EHMT1: variants seen among roughly 807,000 people sequenced by gnomAD.
The protein encoded by EHMT1 is histone-lysine N-methyltransferase EHMT1.
Under a neutral mutation model 147.2 loss-of-function variants are expected in EHMT1, and 15 were observed. That is an observed-to-expected ratio of 0.10 (90% CI 0.07 to 0.16). The LOEUF (loss-of-function observed/expected upper bound fraction) is 0.16. Among genes scored for constraint, EHMT1 ranks in the 10% least tolerant of loss-of-function variants. The pLI is 1.00. For synonymous variants in EHMT1, 795 were observed against 709.6 expected, an observed-to-expected ratio of 1.12 and a Z score of -1.91; for missense variants, 1,587 against 1,772.4, an observed-to-expected ratio of 0.90 and a Z score of 1.88.
chr9:137,820,602 T>C (rs767819413), intron 25 of EHMT1, among the ~76,000 whole-genome samples: 7 of 152,248 alleles, frequency 4.6e-5, no homozygotes, highest in Non-Finnish European at 8.8e-5. Context: ...CGGTCATGTT[T>C]GCTTTCACGT....
rs1452498357 is a variant in EHMT1, at chr9:137,743,399, A to G, written c.852A>G (p.Ala284=). ...TACLPFVLAA[A]VSRKKKRRMG... ...GCTTGCCTTTTGTTTTAGCAGCTGC[A>G]GTATCTCGGAAGAAAAAACGAAGAA... is the stretch of plus-strand genomic sequence containing the variant. The change falls in exon 5 of 27, where the codon GCA becomes GCG. Residue 284 remains alanine, a synonymous_variant. Coordinates refer to ENST00000460843, the MANE Select transcript of EHMT1 (RefSeq NM_024757.5). 1.2e-6 allele frequency: 2 copies of G among 1,607,910 alleles called. No homozygotes were observed. Among genetic ancestry groups the G allele is most frequent in the East Asian group, 2.2e-5 (1 of 44,810 alleles).
chr9:137,833,011 G>A (rs1410501020), intron 25 of EHMT1: 2 of 152,308 alleles, frequency 1.3e-5, no homozygotes, highest in African/African-American at 2.4e-5. Context: ...TTTGGCTTTG[G>A]GGGCTGTGGC....
chr9:137,752,398 A>C lies in EHMT1; in HGVS notation c.1238A>C (p.Glu413Ala). ...GGGGAGGAGGAGGAAGGCGGTGACG[A>C]GTCTGACCTGGTAATGCCCAGCGCC... Reference protein sequence around the residue: ...DTGEEEEGGDESDLSSESSIK... With the variant: ...DTGEEEEGGDASDLSSESSIK... Residue 413 changes from glutamate (E) to alanine (A), a missense_variant, in exon 7 of 27, where the codon GAG (glutamate) becomes GCG (alanine). Coordinates refer to ENST00000460843, the MANE Select transcript of EHMT1 (RefSeq NM_024757.5). The C allele has an allele frequency of 6.2e-7, 1 of 1,613,938 alleles. No individual in the cohort carries two copies. Among genetic ancestry groups the C allele is most frequent in the Non-Finnish European group, 8.5e-7 (1 of 1,179,954 alleles).
chr9:137,772,368 CTA>C (rs1430425596), intron 10 of EHMT1, among the ~76,000 whole-genome samples: 2 of 137,802 alleles, frequency 1.5e-5, no homozygotes, highest in Non-Finnish European at 3.2e-5. Context: ...AAAACAGACA[CTA>C]AAAAAATAGG....
At chr9:137,831,019 T>G (rs1956151429) in intron 25 of EHMT1, among the ~76,000 whole-genome samples, 1 of 151,986 alleles carries the variant, frequency 6.6e-6, no homozygotes, top group Non-Finnish European at 1.5e-5. Flanking sequence ...CTGGGGAGGG[T>G]TTCCTGGTTC....
intron 1 of EHMT1, among the ~76,000 whole-genome samples, chr9:137,701,741 C>T (rs1309155201): frequency 1.3e-5 from 2 of 150,584 alleles, no homozygotes; most frequent in African/African-American, 4.9e-5. Context: ...AATTCTCCTG[C>T]CTCAGCCTCC....
intron 1 of EHMT1, among the ~76,000 whole-genome samples, chr9:137,649,350 CTG>C (rs1845138066): frequency 6.6e-6 from 1 of 152,106 alleles, no homozygotes; most frequent in African/African-American, 2.4e-5. Flanking sequence ...ATCCCAGATA[CTG>C]CGGAGGCCGA....
intron 1 of EHMT1, among the ~76,000 whole-genome samples, chr9:137,709,347 T>G (rs914100732): frequency 3.9e-5 from 6 of 152,180 alleles, no homozygotes; most frequent in African/African-American, 9.7e-5. Context: ...GCTGGGCTGC[T>G]GGCCCTGGCT....
chr9:137,781,352 G>A (rs1951520598), intron 14 of EHMT1, among the ~76,000 whole-genome samples: 1 of 150,106 alleles, frequency 6.7e-6, no homozygotes, highest in African/African-American at 2.5e-5. Flanking sequence ...TGGTGATGAC[G>A]CTGAGACGTG....
chr9:137,802,688 CAG>C, intron 18 of EHMT1: 1 of 591,036 alleles, frequency 1.7e-6, no homozygotes, highest in Non-Finnish European at 2.5e-6. Context: ...CACCTAGAAA[CAG>C]GGACCACTGG....
At chr9:137,669,860 A>AT (rs930528167) in intron 1 of EHMT1, among the ~76,000 whole-genome samples, 1 of 151,816 alleles carries the variant, frequency 6.6e-6, no homozygotes. Context: ...GGCCAAAAAG[A>AT]TTTTTTTGGA....
chr9:137,834,011 C>T, intron 25 of EHMT1: 1 of 377,078 alleles, frequency 2.7e-6, no homozygotes, highest in Middle Eastern at 8.1e-4. Context: ...TGGTGCCAGA[C>T]AGCCCCATGG....
intron 6 of EHMT1, among the ~76,000 whole-genome samples, chr9:137,745,226 T>C (rs1948445122): frequency 6.6e-6 from 1 of 152,254 alleles, no homozygotes; most frequent in Non-Finnish European, 1.5e-5. Context: ...GGCGTATCCC[T>C]GAATGTATAC....
In EHMT1 at chr9:137,775,357, G is replaced by A; in HGVS notation, c.1791+105G>A. ...CCACCTGCTGTCGGGTGGTCCAGCAGCTGGCCCAGGTCTGGTGTCCGTCTG... is the reference window on the plus strand; with the variant it reads ...CCACCTGCTGTCGGGTGGTCCAGCAACTGGCCCAGGTCTGGTGTCCGTCTG... On this transcript the variant is annotated intron_variant, in intron 11 of 26. Transcript: ENST00000460843. The surrounding 1 kb of genome is among the most constrained non-coding windows in gnomAD (Gnocchi z 6.1). 1.3e-6 allele frequency: 2 copies of A among 1,511,910 alleles called. No individual in the cohort carries two copies. Among genetic ancestry groups the A allele is most frequent in the Non-Finnish European group, 1.8e-6 (2 of 1,122,826 alleles). The allele number at this position is 1,511,910 out of a possible 1,614,324, so 93.7% of individuals were successfully genotyped here. A position where few individuals can be genotyped will look rare whatever the true frequency, so the allele number is the denominator to read the frequency against.
chr9:137,767,771 C>G (rs1950308487), intron 10 of EHMT1, among the ~76,000 whole-genome samples: 2 of 152,082 alleles, frequency 1.3e-5, no homozygotes, highest in Non-Finnish European at 2.9e-5. Flanking sequence ...CAAGATCTCA[C>G]TACTGCACTC....
At position 137,781,156 on chromosome 9, in the gene EHMT1, C is replaced by T. The variant is rs373241385; in HGVS notation, c.2276-1135C>T. Among the ~76,000 whole-genome samples, 8 of 65,498 alleles carry T rather than the reference C, an allele frequency of 1.2e-4. 1 individual carries two copies. Among genetic ancestry groups the T allele is most frequent in the African/African-American group, 1.9e-4 (1 of 5,276 alleles). The allele number at this position is 65,498 out of a possible 152,430, so 43.0% of individuals were successfully genotyped here. ...GCATCACTGAGACGTGTGGTGATGACGCTGAGACGTGTGGTGATGACGCTG... is the reference window on the plus strand; with the variant it reads ...GCATCACTGAGACGTGTGGTGATGATGCTGAGACGTGTGGTGATGACGCTG... On this transcript the variant is annotated intron_variant, in intron 14 of 26. Transcript: ENST00000460843.
At chr9:137,826,369 G>C (rs1281289511) in intron 25 of EHMT1, among the ~76,000 whole-genome samples, 1 of 152,180 alleles carries the variant, frequency 6.6e-6, no homozygotes, top group Admixed American at 6.6e-5. Flanking sequence ...AGATGCACTG[G>C]GTCACCCCGG....
intron 25 of EHMT1, 123 bp from the exon 26 acceptor site, chr9:137,834,226 C>T: frequency 7.6e-7 from 1 of 1,311,546 alleles, no homozygotes; most frequent in Non-Finnish European, 1.1e-6. Flanking sequence ...GAGAAGGCCC[C>T]TCCTGCATGG....
intron 1 of EHMT1, among the ~76,000 whole-genome samples, chr9:137,702,044 T>C (rs1373547944): frequency 6.6e-6 from 1 of 152,128 alleles, no homozygotes; most frequent in Non-Finnish European, 1.5e-5. Flanking sequence ...TCTACTCGCC[T>C]CAGCCTCCCA....
Sources: gnomAD v4.1 joint callset for allele counts (sites outside exome capture counted in the v4.1 genomes callset) on GRCh38, gnomAD v4.1.1 for gene constraint, Gnocchi (gnomAD v3.1) non-coding constraint, MANE v1.5 for transcripts, NCBI Gene and HGNC (gene_info 2026-07-23, HGNC 2026-07-21) for gene names.